The following MAP3K13 variants were observed in gnomAD, a reference collection of about 807,000 sequenced individuals.
MAP3K13 encodes leucine zipper-bearing kinase.
A neutral mutation model predicts 104.0 loss-of-function variants in MAP3K13; 52 were observed. The ratio of observed to expected loss-of-function variants is 0.50; its 90% CI spans 0.40 to 0.63. The LOEUF is 0.63. Among genes scored for constraint, MAP3K13 ranks in the 20% least tolerant of loss-of-function variants. MAP3K13 has a pLI of 0.00. For synonymous variants in MAP3K13, 394 were observed against 442.2 expected (o/e 0.89, Z 1.37); for missense variants, 914 against 1,218.5 (o/e 0.75, Z 3.72).
rs1287098188 is a variant in MAP3K13 at position 185,363,316 on chromosome 3, C to T, written c.-138C>T. Reference sequence around the variant, plus strand: ...TGCAAGGCTTTTAAAATTCACCTTACATCTTTTCAAAGCAAGAAAATGGAA... The same window carrying T: ...TGCAAGGCTTTTAAAATTCACCTTATATCTTTTCAAAGCAAGAAAATGGAA... On this transcript the variant is annotated 5_prime_UTR_variant, in exon 1 of 14. Coordinates refer to ENST00000265026, the MANE Select transcript of MAP3K13 (RefSeq NM_004721.5). The T allele has an allele frequency of 1.0e-6, 1 of 985,230 alleles. No homozygotes were observed. The highest frequency in any genetic ancestry group is 1.2e-6 in the Non-Finnish European group (1 of 829,912). The allele number at this position is 985,230 out of a possible 1,614,324, so 61.0% of individuals were successfully genotyped here. A position where few individuals can be genotyped will look rare whatever the true frequency, so the allele number is the denominator to read the frequency against.
rs564277394 is a variant in MAP3K13 at position 185,332,240 on chromosome 3, A to G, written c.-86+46597A>G. Reference sequence around the variant, plus strand: ...CCAATGTGTACTCCCCCCCCCCATTATAAGAGTACTGTTTCTCATATCCTT... The same window carrying G: ...CCAATGTGTACTCCCCCCCCCCATTGTAAGAGTACTGTTTCTCATATCCTT... On this transcript the variant is annotated intron_variant, in intron 2 of 14. Transcript: ENST00000424227. 9.3e-5 allele frequency among the ~76,000 whole-genome samples: 14 copies of G among 150,930 alleles called. No individual in the cohort carries two copies. In the South Asian group the frequency reaches 2.8e-3, roughly 30 times the overall value.
chr3:185,385,663 A>G (rs1004012595), intron 1 of MAP3K13, among the ~76,000 whole-genome samples: 1 of 152,210 alleles, frequency 6.6e-6, no homozygotes, highest in Admixed American at 6.5e-5. Context: ...TAGATGCAAA[A>G]ATCCCCAACA....
rs542211525 is a variant in MAP3K13 at position 185,450,577 on chromosome 3, G to A, written c.1169+519G>A. Among the ~76,000 whole-genome samples the A allele has an allele frequency of 3.3e-3, 498 of 151,840 alleles. 1 individual carries two copies. Among genetic ancestry groups the A allele is most frequent in the African/African-American group, 0.011 (459 of 41,380 alleles). On this transcript the variant is annotated intron_variant, in intron 6 of 13. Coordinates refer to ENST00000265026, the MANE Select transcript of MAP3K13 (RefSeq NM_004721.5). This position sits in a 1 kb window ranked among gnomAD's most constrained non-coding sequence, Gnocchi z 4.2. ...AGGCGAGGAGTTCAAGAGCAGCTTG[G>A]GCAACATAGCGAGACCCCATCTCTG...
At chr3:185,303,353 T>A (rs1721173507) in intron 2 of MAP3K13, among the ~76,000 whole-genome samples, 1 of 152,184 alleles carries the variant, frequency 6.6e-6, no homozygotes, top group African/African-American at 2.4e-5. Flanking sequence ...GGAAGTGTTT[T>A]ATCCTCTTCA....
intron 2 of MAP3K13, among the ~76,000 whole-genome samples, chr3:185,334,958 C>A (rs9871165): frequency 0.77 from 117,557 of 151,776 alleles, 46,094 homozygotes; most frequent in Middle Eastern, 0.85. Context: ...CTCTCTCACT[C>A]TACACAAAAC....
intron 1 of MAP3K13, among the ~76,000 whole-genome samples, chr3:185,403,888 A>T (rs1327879742): frequency 6.6e-6 from 1 of 152,264 alleles, no homozygotes; most frequent in Non-Finnish European, 1.5e-5. Context: ...ATTAACAAGT[A>T]GCAAAATTAT....
intron 4 of MAP3K13, among the ~76,000 whole-genome samples, chr3:185,446,925 A>G (rs1430741924): frequency 1.3e-5 from 2 of 152,186 alleles, no homozygotes; most frequent in African/African-American, 2.4e-5. Context: ...TTACAGGTCT[A>G]TCATCCCTTA....
chr3:185,363,665 TGA>T (rs1372168732), intron 1 of MAP3K13, among the ~76,000 whole-genome samples: 4 of 152,226 alleles, frequency 2.6e-5, no homozygotes, highest in Admixed American at 1.3e-4. Context: ...TTCATTTCTC[TGA>T]GAGATGATGT....
chr3:185,297,895 T>C (rs1307098406), intron 2 of MAP3K13, among the ~76,000 whole-genome samples: 1 of 152,052 alleles, frequency 6.6e-6, no homozygotes, highest in Non-Finnish European at 1.5e-5. Flanking sequence ...TCTCTCTGTG[T>C]GCATACAATT....
chr3:185,376,641 G>T (rs978957186), intron 1 of MAP3K13, among the ~76,000 whole-genome samples: 1 of 151,828 alleles, frequency 6.6e-6, no homozygotes, highest in Non-Finnish European at 1.5e-5. Flanking sequence ...GATCTGTGGG[G>T]TCAACTAGGT....
intron 1 of MAP3K13, among the ~76,000 whole-genome samples, chr3:185,372,868 G>A (rs982860712): frequency 2.6e-5 from 4 of 152,130 alleles, no homozygotes; most frequent in Admixed American, 1.3e-4. Flanking sequence ...CTAAGATAAG[G>A]TTCCTCTTTT....
At chr3:185,391,617 CTTGG>C (rs1712056913) in intron 1 of MAP3K13, among the ~76,000 whole-genome samples, 1 of 152,182 alleles carries the variant, frequency 6.6e-6, no homozygotes, top group African/African-American at 2.4e-5. Context: ...CATGATATTA[CTTGG>C]TTGAACATAG....
intron 1 of MAP3K13, among the ~76,000 whole-genome samples, chr3:185,396,232 G>A (rs9757406): frequency 0.17 from 25,825 of 151,878 alleles, 2,226 homozygotes; most frequent in African/African-American, 0.21. Flanking sequence ...TTAGCCTGGC[G>A]TGGTGGTGCG....
At chr3:185,321,116 GCA>G (rs1164518775) in intron 2 of MAP3K13, among the ~76,000 whole-genome samples, 1 of 150,698 alleles carries the variant, frequency 6.6e-6, no homozygotes, top group Admixed American at 6.6e-5. Context: ...ACATATGCGT[GCA>G]CACACATATA....
At chr3:185,374,442 T>C (rs895071065) in intron 1 of MAP3K13, among the ~76,000 whole-genome samples, 1 of 151,942 alleles carries the variant, frequency 6.6e-6, no homozygotes, top group African/African-American at 2.4e-5. Flanking sequence ...TATTGTGGGG[T>C]TGTTAGAAGA....
At chr3:185,312,448 C>T (rs1577414270) in intron 2 of MAP3K13, among the ~76,000 whole-genome samples, 1 of 152,144 alleles carries the variant, frequency 6.6e-6, no homozygotes, top group Admixed American at 6.5e-5. Context: ...CAGCAGGATT[C>T]TGTTGGGGAT....
upstream of MAP3K13, among the ~76,000 whole-genome samples, chr3:185,360,578 C>T (rs1452256675): frequency 6.6e-6 from 1 of 152,102 alleles, no homozygotes; most frequent in East Asian, 1.9e-4. Flanking sequence ...TCCTGTGGTA[C>T]AGGAAGCATG....
chr3:185,465,069 C>T (rs1168326034), intron 8 of MAP3K13, among the ~76,000 whole-genome samples: 1 of 152,230 alleles, frequency 6.6e-6, no homozygotes. Flanking sequence ...GCAACCTCCA[C>T]CTCCCAGGTT....
intron 1 of MAP3K13, among the ~76,000 whole-genome samples, chr3:185,386,885 T>G (rs563470841): frequency 6.6e-6 from 1 of 152,126 alleles, no homozygotes; most frequent in African/African-American, 2.4e-5. Context: ...GAACAACACA[T>G]ACTGAATCCT....
Sources: allele counts gnomAD v4.1 joint callset (sites outside exome capture counted in the v4.1 genomes callset), GRCh38; gene constraint gnomAD v4.1.1; non-coding constraint Gnocchi (gnomAD v3.1); transcripts MANE v1.5; gene names NCBI Gene and HGNC (gene_info 2026-07-23, HGNC 2026-07-21).